SGSM2: variants seen among roughly 807,000 people sequenced by gnomAD.
SGSM2 encodes RUN and TBC1 domain containing 1.
Under a neutral mutation model 126.6 loss-of-function variants are expected in SGSM2, and 89 were observed. The ratio of observed to expected loss-of-function variants is 0.70; its 90% CI spans 0.59 to 0.84. The LOEUF (loss-of-function observed/expected upper bound fraction) is 0.84. SGSM2 is among the 40% of genes least tolerant of loss of function. The pLI, the probability that SGSM2 is intolerant of heterozygous loss-of-function variation, is 0.00. For missense variants in SGSM2, 1,404 were observed against 1,416.6 expected (o/e 0.99, Z 0.14); for synonymous variants, 614 against 574.3 (o/e 1.07, Z -0.99).
chr17:2,354,525 T>A (rs2447106), intron 2 of SGSM2, among the ~76,000 whole-genome samples: 66,951 of 152,106 alleles, frequency 0.44, 15,084 homozygotes, highest in East Asian at 0.64. Context: ...GCTAGAGATG[T>A]ACCATATTTA....
intron 1 of SGSM2, among the ~76,000 whole-genome samples, chr17:2,340,619 C>G (rs1392050331): frequency 2.0e-5 from 3 of 150,242 alleles, no homozygotes; most frequent in African/African-American, 7.4e-5. Context: ...GAGTCTCGCT[C>G]TGTTGCCCAG....
chr17:2,377,774 TG>T, intron 21 of SGSM2, 82 bp from the exon 22 acceptor site: 1 of 884,586 alleles, frequency 1.1e-6, no homozygotes, highest in Non-Finnish European at 1.9e-6. Flanking sequence ...CCTGCATCCC[TG>T]GGCGTGAGCG....
In SGSM2 at chr17:2,376,963, G is replaced by C. The variant is rs777490594; in HGVS notation, c.2697G>C (p.Gln899His). The change falls in exon 21 of 24, where the codon CAG (glutamine) becomes CAC (histidine). Residue 899 changes from glutamine (Q) to histidine (H), a missense_variant. Physicochemically the swap from Gln to His is conservative, Grantham distance 24. Coordinates refer to ENST00000268989, the MANE Select transcript of SGSM2 (RefSeq NM_014853.3). Reference sequence around the variant, plus strand: ...TTCACTCCTGTCTCCCCTCAGATCAGCTGGCCTACAGCTGCTTCAGCCACC... The same window carrying C: ...TTCACTCCTGTCTCCCCTCAGATCACCTGGCCTACAGCTGCTTCAGCCACC... Reference protein sequence around the residue: ...APLLVTLDNDQLAYSCFSHLM... With the variant: ...APLLVTLDNDHLAYSCFSHLM... 5.0e-6 allele frequency: 8 copies of C among 1,613,116 alleles called. No homozygotes were observed. In the Admixed American group the frequency reaches 1.3e-4, roughly 27 times the overall value.
chr17:2,364,265 T>G, intron 8 of SGSM2, 82 bp downstream of exon 8: 1 of 1,566,700 alleles, frequency 6.4e-7, no homozygotes, highest in Non-Finnish European at 8.7e-7. Flanking sequence ...AAACCCCGCT[T>G]GCTCCAGGAG....
At position 2,361,215 on chromosome 17, in the gene SGSM2, G is replaced by C. The variant is rs117644562; in HGVS notation, c.134-422G>C. ...CTGCAGTGACTTCATCAATATTTTA[G>C]CTCCTGCAGAGCCCTGTTCCTTAGC... On this transcript the variant is annotated intron_variant, in intron 2 of 23. Coordinates refer to ENST00000268989, the MANE Select transcript of SGSM2 (RefSeq NM_014853.3). 1.5e-3 allele frequency among the ~76,000 whole-genome samples: 224 copies of C among 152,330 alleles called. 1 individual carries two copies. The highest frequency in any genetic ancestry group is 2.3e-3 in the Non-Finnish European group (158 of 68,018).
chr17:2,354,594 CTAAA>C lies in SGSM2; in HGVS notation c.134-7039_134-7036del, dbSNP rs566167164. On this transcript the variant is annotated intron_variant, in intron 2 of 23. Coordinates refer to ENST00000268989, the MANE Select transcript of SGSM2 (RefSeq NM_014853.3). Reference sequence around the variant, plus strand: ...GACTTCCAGTCTTTTGCTGTTATAACTAAATAATCACGCAGTTATATCTGTAGGA... The same window carrying C: ...GACTTCCAGTCTTTTGCTGTTATAACTAATCACGCAGTTATATCTGTAGGA... 1.6e-3 allele frequency among the ~76,000 whole-genome samples: 244 copies of C among 152,320 alleles called. 7 individuals are homozygous for C. In the South Asian group the frequency reaches 0.049, roughly 31 times the overall value.
chr17:2,345,904 C>T (rs1366410105), intron 2 of SGSM2, among the ~76,000 whole-genome samples: 1 of 152,128 alleles, frequency 6.6e-6, no homozygotes, highest in African/African-American at 2.4e-5. Context: ...CATTGATTAT[C>T]AACCTTTTTC....
At chr17:2,347,817 G>A (rs940952747) in intron 2 of SGSM2, among the ~76,000 whole-genome samples, 5 of 152,116 alleles carry the variant, frequency 3.3e-5, no homozygotes, top group Admixed American at 6.6e-5. Context: ...CACTGAGTTT[G>A]CATTTTAACC....
Position 2,372,157 on chromosome 17 carries a change from G to A in SGSM2, c.1578-33G>A, listed in dbSNP as rs780306206. 7.2e-5 allele frequency: 116 copies of A among 1,612,416 alleles called. 1 individual carries two copies. In the East Asian group the frequency reaches 2.6e-3, roughly 36 times the overall value. On this transcript the variant is annotated intron_variant, in intron 13 of 23. Transcript: ENST00000268989. The surrounding 1 kb of genome is among the most constrained non-coding windows in gnomAD (Gnocchi z 6.0). Reference sequence around the variant, plus strand: ...CTCTCCTCCCACCAGAGGGGCCGCAGCCCCTCCCTGCTGAGCCCGGTTGTT... The same window carrying A: ...CTCTCCTCCCACCAGAGGGGCCGCAACCCCTCCCTGCTGAGCCCGGTTGTT...
chr17:2,354,136 G>T (rs963553594), intron 2 of SGSM2, among the ~76,000 whole-genome samples: 18 of 151,974 alleles, frequency 1.2e-4, no homozygotes, highest in African/African-American at 4.4e-4. Context: ...CAAACTTCTG[G>T]GCTCAAGTGA....
Position 2,372,372 on chromosome 17 carries a change from G to A in SGSM2, c.1672G>A (p.Val558Met). 1.9e-6 allele frequency: 3 copies of A among 1,591,620 alleles called. No homozygotes were observed. Among genetic ancestry groups the A allele is most frequent in the Non-Finnish European group, 2.6e-6 (3 of 1,170,142 alleles). ...GGCACACTGCCGCCACCTGTCCACG[G>A]TGCGGACCCACCTGTCGGCGCTGGT... ...WLAHCRHLSTVRTHLSALVHH... is the reference protein window; with the variant it reads ...WLAHCRHLSTMRTHLSALVHH... Residue 558 changes from valine (V) to methionine (M), a missense_variant, in exon 15 of 24, where the codon GTG becomes ATG. Transcript: ENST00000268989. This position sits in a 1 kb window ranked among gnomAD's most constrained non-coding sequence, Gnocchi z 6.0.
At chr17:2,355,035 G>C (rs201538081) in intron 2 of SGSM2, among the ~76,000 whole-genome samples, 31 of 63,228 alleles carry the variant, frequency 4.9e-4, no homozygotes, top group East Asian at 3.2e-3. Context: ...GGGGTGTAAG[G>C]GTTGGGGAAG....
At chr17:2,361,462 C>T (rs2065304444) in intron 2 of SGSM2, among the ~76,000 whole-genome samples, 175 bp from the exon 3 acceptor site, 3 of 152,162 alleles carry the variant, frequency 2.0e-5, no homozygotes, top group South Asian at 4.1e-4. Flanking sequence ...CTCTTCGCCC[C>T]GGGCAGGAGC....
intron 1 of SGSM2, among the ~76,000 whole-genome samples, chr17:2,340,367 G>C (rs1185140554): frequency 2.0e-5 from 3 of 152,050 alleles, no homozygotes; most frequent in Non-Finnish European, 2.9e-5. Context: ...CTCCCAAGGT[G>C]CTGGGATTAC....
At chr17:2,368,866 C>G (rs960825592) in intron 12 of SGSM2, among the ~76,000 whole-genome samples, 3 of 152,212 alleles carry the variant, frequency 2.0e-5, no homozygotes, top group Non-Finnish European at 2.9e-5. Context: ...CTTCTTCCCC[C>G]ACGAACTGGT....
intron 12 of SGSM2, among the ~76,000 whole-genome samples, chr17:2,369,160 G>C (rs1597374280): frequency 6.6e-6 from 1 of 152,128 alleles, no homozygotes; most frequent in African/African-American, 2.4e-5. Flanking sequence ...GGGAATGGGG[G>C]CCCCCCACCT....
chr17:2,374,230 G>C (rs1434973362), intron 17 of SGSM2: 3 of 152,122 alleles, frequency 2.0e-5, no homozygotes, highest in Non-Finnish European at 2.9e-5. Flanking sequence ...GTGTATTCTT[G>C]TTACTTTACT....
intron 8 of SGSM2, 105 bp downstream of exon 8, chr17:2,364,288 CTT>C: frequency 7.0e-7 from 1 of 1,431,990 alleles, no homozygotes; most frequent in Non-Finnish European, 9.6e-7. Context: ...CAACCTCACT[CTT>C]TATTTGGACG....
In SGSM2 at chr17:2,377,003, AGCCAGAACTTCCCCAACGGGGGT is replaced by A; in HGVS notation, c.2742_2764del (p.Gln914HisfsTer21). 6.2e-7 allele frequency: 1 copy of A among 1,613,908 alleles called. No homozygotes were observed. The highest frequency in any genetic ancestry group is 1.3e-5 in the African/African-American group (1 of 75,052). On this transcript the variant is annotated frameshift_variant, in exon 21 of 24. Transcript: ENST00000268989. LOFTEE classifies it high-confidence loss of function. ...CTTCAGCCACCTCATGAAGAGGATGAGCCAGAACTTCCCCAACGGGGGTGCCATGGACACCCACTTTGCCAACA... is the reference window on the plus strand; with the variant it reads ...CTTCAGCCACCTCATGAAGAGGATGAGCCATGGACACCCACTTTGCCAACA...
Sources: allele counts gnomAD v4.1 joint callset (sites outside exome capture counted in the v4.1 genomes callset), GRCh38; gene constraint gnomAD v4.1.1; non-coding constraint Gnocchi (gnomAD v3.1); transcripts MANE v1.5; gene names NCBI Gene and HGNC (gene_info 2026-07-23, HGNC 2026-07-21).